Variants in AFMID observed in about 807,000 individuals in gnomAD.
The protein encoded by AFMID is kynurenine formamidase.
AFMID carries 39 observed loss-of-function variants against 47.5 expected under a neutral mutation model. The observed-to-expected ratio is 0.82, with a 90% confidence interval of 0.64 to 1.07. The LOEUF (loss-of-function observed/expected upper bound fraction) is 1.07, where lower values mean the gene tolerates loss of function less well. AFMID is among the 50% of genes least tolerant of loss of function. The pLI is 0.00. For missense variants in AFMID, 375 were observed against 387.5 expected (o/e 0.97, Z 0.27); for synonymous variants, 130 against 153.2 (o/e 0.85, Z 1.12).
chr17:78,201,199 C>T (rs563879088), intron 2 of AFMID, among the ~76,000 whole-genome samples: 1 of 150,330 alleles, frequency 6.7e-6, no homozygotes, highest in South Asian at 2.1e-4. Flanking sequence ...TAGGCTAAGG[C>T]ACGAGAATTG....
intron 1 of AFMID, among the ~76,000 whole-genome samples, chr17:78,189,055 A>G (rs920701707): frequency 2.0e-5 from 3 of 151,790 alleles, no homozygotes; most frequent in African/African-American, 7.3e-5. Flanking sequence ...TCTACCAGTC[A>G]GGAAACTGAA....
rs1599010551 is a variant in AFMID, at chr17:78,202,626, G to T, written c.259+23G>T. ...AAGGTTGTCGGTGAAGGGGCTGGGG[G>T]TCCCGGGGCTTGGGGGTCCAGTGGC... On this transcript the variant is annotated intron_variant, in intron 3 of 10. Coordinates refer to ENST00000409257, the MANE Select transcript of AFMID (RefSeq NM_001010982.5). 6 of 1,604,380 alleles carry T rather than the reference G, an allele frequency of 3.7e-6. No homozygotes were observed. The East Asian group carries it at 1.1e-4, about 30-fold the overall frequency.
chr17:78,193,420 C>T (rs1454304044), intron 2 of AFMID, among the ~76,000 whole-genome samples: 4 of 148,402 alleles, frequency 2.7e-5, no homozygotes, highest in African/African-American at 9.9e-5. Context: ...ACCTATTTGC[C>T]TGTCTTAATT....
rs570855940 is a variant in AFMID, at chr17:78,205,934, TCC to T, written c.781-9_781-8del. 2.9e-4 allele frequency: 467 copies of T among 1,612,916 alleles called. 1 individual carries two copies. Among genetic ancestry groups the T allele is most frequent in the Admixed American group, 1.1e-3 (66 of 59,934 alleles). ...CTGCTCAGGCCCCTCTTCCCATGTC[TCC>T]CCTGCCCAGACCCTGTGTCAAGGAG... On this transcript the variant is annotated splice_polypyrimidine_tract_variant and intron_variant, in intron 9 of 10. Transcript: ENST00000409257.
Position 78,202,513 on chromosome 17 carries a change from C to G in AFMID, c.169C>G (p.Arg57Gly). The change falls in exon 3 of 11, where the codon CGG becomes GGG. Residue 57 changes from arginine (R) to glycine (G), a missense_variant. Physicochemically the swap from Arg to Gly is moderately radical, Grantham distance 125. Coordinates refer to ENST00000409257, the MANE Select transcript of AFMID (RefSeq NM_001010982.5). ...TTCTGAGACAGCCACCACAAGGGCC[C>G]GGGCCACCAGGAAGAGCCTGCTGCA... Reference protein sequence around the residue: ...QIGIEATTRARATRKSLLHVP... With the variant: ...QIGIEATTRAGATRKSLLHVP... The G allele has an allele frequency of 6.2e-7, 1 of 1,614,052 alleles. No homozygotes were observed. Among genetic ancestry groups the G allele is most frequent in the Non-Finnish European group, 8.5e-7 (1 of 1,180,006 alleles).
chr17:78,187,400 A>G lies in AFMID; in HGVS notation c.30A>G (p.Pro10=), dbSNP rs376426687. 92 of 1,613,780 alleles carry G rather than the reference A, an allele frequency of 5.7e-5. No homozygotes were observed. The highest frequency in any genetic ancestry group is 7.6e-5 in the Non-Finnish European group (90 of 1,179,942). ...TGGATGTGTCTGGTGTGGGTTTCCC[A>G]AGCAAGGTTCCTTGGAAGAAGATGT... MMDVSGVGF[P]SKVPWKKMSA... is the part of the protein sequence containing the mutation. The change falls in exon 1 of 11, where the codon CCA becomes CCG. Residue 10 remains proline, a synonymous_variant. Coordinates refer to ENST00000409257, the MANE Select transcript of AFMID (RefSeq NM_001010982.5).
chr17:78,190,865 C>T (rs2075947383), intron 1 of AFMID, 105 bp from the exon 2 acceptor site: 5 of 948,646 alleles, frequency 5.3e-6, no homozygotes, highest in South Asian at 1.5e-5. Context: ...GATACTGGGG[C>T]GAGGGCTTCT....
intron 1 of AFMID, among the ~76,000 whole-genome samples, chr17:78,188,713 C>T (rs2075874204): frequency 6.6e-6 from 1 of 152,192 alleles, no homozygotes; most frequent in East Asian, 1.9e-4. Context: ...TCTCCGGCCT[C>T]AGCCTCCTGA....
intron 1 of AFMID, among the ~76,000 whole-genome samples, chr17:78,189,936 A>C (rs2075917817): frequency 6.8e-6 from 1 of 146,408 alleles, no homozygotes; most frequent in African/African-American, 2.5e-5. Flanking sequence ...GGTTCAAGCT[A>C]TTCTCCTGCT....
At position 78,194,237 on chromosome 17, in the gene AFMID, T is replaced by G. The variant is rs903289280; in HGVS notation, c.154+3177T>G. Among the ~76,000 whole-genome samples, 4 of 151,874 alleles carry G rather than the reference T, an allele frequency of 2.6e-5. No individual in the cohort carries two copies. In the South Asian group the frequency reaches 8.3e-4, roughly 32 times the overall value. The stretch of plus-strand genomic sequence containing the variant: ...GCCATTCTTGTGTCTCACATTCTTG[T>G]GTTTCAGCCTCCCGAGTAGCTGGAA... On this transcript the variant is annotated intron_variant, in intron 2 of 10. Coordinates refer to ENST00000409257, the MANE Select transcript of AFMID (RefSeq NM_001010982.5).
rs1276875827 is a variant in AFMID, at chr17:78,190,803, G to A, written c.64-167G>A. The A allele has an allele frequency of 1.5e-5, 9 of 587,722 alleles. No homozygotes were observed. The East Asian group carries it at 2.6e-4, about 17-fold the overall frequency. The allele number at this position is 587,722 out of a possible 1,614,324, so 36.4% of individuals were successfully genotyped here. ...CTGCCAGCTGGCTAAAGGCACAGCGGTCGCTGGTATACCTCTAGACCATGG... is the reference window on the plus strand; with the variant it reads ...CTGCCAGCTGGCTAAAGGCACAGCGATCGCTGGTATACCTCTAGACCATGG... On this transcript the variant is annotated intron_variant, in intron 1 of 10. Coordinates refer to ENST00000409257, the MANE Select transcript of AFMID (RefSeq NM_001010982.5).
chr17:78,194,755 C>A (rs541142395), intron 2 of AFMID, among the ~76,000 whole-genome samples: 1 of 151,968 alleles, frequency 6.6e-6, no homozygotes, highest in African/African-American at 2.4e-5. Context: ...AGTGCAATGG[C>A]GCAATCTCGG....
chr17:78,206,115 A>G, intron 10 of AFMID, 65 bp downstream of exon 10: 1 of 1,427,748 alleles, frequency 7.0e-7, no homozygotes, highest in Non-Finnish European at 9.8e-7. Flanking sequence ...AGCCCCTTAG[A>G]TGTGCAAACC....
chr17:78,188,983 C>T (rs2075884938), intron 1 of AFMID, among the ~76,000 whole-genome samples: 2 of 151,966 alleles, frequency 1.3e-5, no homozygotes, highest in Non-Finnish European at 1.5e-5. Flanking sequence ...CCACCCGCCT[C>T]GGCCTCCCAA....
rs371795903 is a variant in AFMID, at chr17:78,187,367, C to T, written c.-4C>T. The T allele has an allele frequency of 1.5e-5, 24 of 1,613,650 alleles. No individual in the cohort carries two copies. In the South Asian group the frequency reaches 1.6e-4, roughly 11 times the overall value. On this transcript the variant is annotated 5_prime_UTR_variant, in exon 1 of 11. The change creates a new upstream start codon in the 5' untranslated region. Coordinates refer to ENST00000409257, the MANE Select transcript of AFMID (RefSeq NM_001010982.5). Reference sequence around the variant, plus strand: ...GGACGCACGCCCATGCGGCTGTAGACGCCATGATGGATGTGTCTGGTGTGG... The same window carrying T: ...GGACGCACGCCCATGCGGCTGTAGATGCCATGATGGATGTGTCTGGTGTGG...
rs1247533228 is a variant in AFMID at position 78,192,176 on chromosome 17, T to C, written c.154+1116T>C. On this transcript the variant is annotated intron_variant, in intron 2 of 10. Coordinates refer to ENST00000409257, the MANE Select transcript of AFMID (RefSeq NM_001010982.5). ...ACCACGCCCTGCTAAGTGTTTTGTA[T>C]TTTTTTTTTTTTTTAGTAGAGATAT... is the stretch of plus-strand genomic sequence containing the variant. 5.9e-5 allele frequency among the ~76,000 whole-genome samples: 6 copies of C among 101,780 alleles called. No homozygotes were observed. The East Asian group carries it at 1.2e-3, about 20-fold the overall frequency. The allele number at this position is 101,780 out of a possible 152,430, so 66.8% of individuals were successfully genotyped here.
intron 2 of AFMID, among the ~76,000 whole-genome samples, chr17:78,202,115 T>G (rs1342834567): frequency 6.6e-6 from 1 of 151,768 alleles, no homozygotes; most frequent in Non-Finnish European, 1.5e-5. Flanking sequence ...TGTTTCTACC[T>G]GAGCTGAAAT....
At chr17:78,197,068 A>G in intron 2 of AFMID, 1 of 1,277,944 alleles carries the variant, frequency 7.8e-7, no homozygotes, top group Non-Finnish European at 1.1e-6. Context: ...CTTGGTTTTA[A>G]TGGCCATTCC....
chr17:78,195,422 T>C (rs1337922971), intron 2 of AFMID, among the ~76,000 whole-genome samples: 4 of 151,268 alleles, frequency 2.6e-5, no homozygotes, highest in African/African-American at 9.7e-5. Context: ...CTCAAACTCC[T>C]GGCCTCAGGT....
Sources: gnomAD v4.1 joint callset for allele counts (sites outside exome capture counted in the v4.1 genomes callset) on GRCh38, gnomAD v4.1.1 for gene constraint, MANE v1.5 for transcripts, NCBI Gene and HGNC (gene_info 2026-07-23, HGNC 2026-07-21) for gene names.